Variants in RALA observed in about 807,000 individuals in gnomAD.
RALA encodes RAS like proto-oncogene A, also known as ras-related protein Ral-A.
In RALA, 5 loss-of-function variants were observed where a neutral mutation model predicts 24.0. The ratio of observed to expected loss-of-function variants is 0.21; its 90% CI spans 0.11 to 0.44. The LOEUF (loss-of-function observed/expected upper bound fraction) is 0.44, where lower values mean the gene tolerates loss of function less well. Among genes scored for constraint, RALA ranks in the 20% least tolerant of loss-of-function variants. The pLI is 0.99. For synonymous variants in RALA, 77 were observed against 83.8 expected (o/e 0.92, Z 0.44); for missense variants, 95 against 241.2 (o/e 0.39, Z 4.01).
chr7:39,673,142 C>T (rs376425863), intron 1 of RALA, among the ~76,000 whole-genome samples: 1 of 151,990 alleles, frequency 6.6e-6, no homozygotes, highest in African/African-American at 2.4e-5. Flanking sequence ...GAGCCGAGAT[C>T]GTGCCCCTGC....
chr7:39,627,261 G>A (rs1791508182), intron 1 of RALA, among the ~76,000 whole-genome samples: 1 of 152,078 alleles, frequency 6.6e-6, no homozygotes, highest in South Asian at 2.1e-4. Flanking sequence ...AAATATGTAT[G>A]AGTAAATTTT....
chr7:39,689,968 GA>G (rs1197875465), intron 2 of RALA, among the ~76,000 whole-genome samples: 4 of 152,170 alleles, frequency 2.6e-5, no homozygotes, highest in South Asian at 2.1e-4. Context: ...TTTAGAAAAA[GA>G]AAGGATTTAA....
At chr7:39,644,689 G>A (rs1212461719) in intron 1 of RALA, among the ~76,000 whole-genome samples, 1 of 152,006 alleles carries the variant, frequency 6.6e-6, no homozygotes, top group Admixed American at 6.6e-5. Flanking sequence ...TTTATTCTTA[G>A]TGGATTTAAA....
chr7:39,657,545 TGTGGG>T lies in RALA; in HGVS notation c.-37-29083_-37-29079del, dbSNP rs1792118642. 2.6e-5 allele frequency among the ~76,000 whole-genome samples: 4 copies of T among 152,324 alleles called. No homozygotes were observed. The South Asian group carries it at 6.2e-4, about 24-fold the overall frequency. On this transcript the variant is annotated intron_variant, in intron 1 of 4. Coordinates refer to ENST00000005257, the MANE Select transcript of RALA (RefSeq NM_005402.4). Reference sequence around the variant, plus strand: ...ACGGTCCCAGGAAAGCCCTACTTTCTGTGGGGTCTGGACCTTCTAAACATTATCTT... The same window carrying T: ...ACGGTCCCAGGAAAGCCCTACTTTCTGTCTGGACCTTCTAAACATTATCTT...
intron 1 of RALA, among the ~76,000 whole-genome samples, chr7:39,682,945 T>G (rs1792632959): frequency 6.6e-6 from 1 of 152,118 alleles, no homozygotes; most frequent in African/African-American, 2.4e-5. Flanking sequence ...TGGCCATGTG[T>G]TGGAAATTTA....
intron 4 of RALA, among the ~76,000 whole-genome samples, chr7:39,705,818 G>C (rs1022794542): frequency 6.6e-6 from 1 of 151,644 alleles, no homozygotes; most frequent in Non-Finnish European, 1.5e-5. Flanking sequence ...TCTATCTTTG[G>C]GTCTGTCATC....
At chr7:39,653,050 G>C (rs987865152) in intron 1 of RALA, among the ~76,000 whole-genome samples, 5 of 147,680 alleles carry the variant, frequency 3.4e-5, no homozygotes, top group African/African-American at 1.3e-4. Flanking sequence ...TATTTTTTGA[G>C]ACGGAGTCTC....
At chr7:39,644,394 C>T (rs747433658) in intron 1 of RALA, among the ~76,000 whole-genome samples, 2 of 152,100 alleles carry the variant, frequency 1.3e-5, no homozygotes, top group African/African-American at 4.8e-5. Flanking sequence ...GACTTCCCTT[C>T]GTGTCTTAGC....
intron 2 of RALA, among the ~76,000 whole-genome samples, chr7:39,688,322 C>T (rs1792745679): frequency 6.6e-6 from 1 of 151,750 alleles, no homozygotes; most frequent in South Asian, 2.1e-4. Flanking sequence ...GGATCATTTG[C>T]ATTGGAGGTC....
intron 1 of RALA, among the ~76,000 whole-genome samples, chr7:39,654,210 T>G (rs1162408475): frequency 6.6e-6 from 1 of 152,222 alleles, no homozygotes; most frequent in Non-Finnish European, 1.5e-5. Flanking sequence ...TAATTGCTTC[T>G]TTCACCATTG....
intron 1 of RALA, among the ~76,000 whole-genome samples, chr7:39,647,944 G>T (rs1161499320): frequency 6.6e-6 from 1 of 152,186 alleles, no homozygotes; most frequent in Non-Finnish European, 1.5e-5. Context: ...TCAAGTATCT[G>T]TCATAAAGTC....
chr7:39,686,639 T>A lies in RALA; in HGVS notation c.-29T>A. 1 of 1,521,924 alleles carries A rather than the reference T, an allele frequency of 6.6e-7. No homozygotes were observed. The highest frequency in any genetic ancestry group is 9.1e-7 in the Non-Finnish European group (1 of 1,096,028). The allele number at this position is 1,521,924 out of a possible 1,614,324, so 94.3% of individuals were successfully genotyped here. A position where few individuals can be genotyped will look rare whatever the true frequency, so the allele number is the denominator to read the frequency against. On this transcript the variant is annotated 5_prime_UTR_variant, in exon 2 of 5. Transcript: ENST00000005257. ...TCTTTCATTCTTCTTAGATTCTTCT[T>A]AATCCTTTGGTGAAAACTGAGACAC...
chr7:39,641,727 G>A (rs929993830), intron 1 of RALA, among the ~76,000 whole-genome samples: 5 of 152,102 alleles, frequency 3.3e-5, no homozygotes, highest in African/African-American at 2.4e-5. Context: ...ATGATGTTGG[G>A]TATATGATGT....
At chr7:39,652,598 T>A (rs1792037523) in intron 1 of RALA, among the ~76,000 whole-genome samples, 1 of 152,126 alleles carries the variant, frequency 6.6e-6, no homozygotes, top group Non-Finnish European at 1.5e-5. Context: ...GATATAAGAA[T>A]AAAGCAATTC....
At chr7:39,680,768 G>A (rs1485623081) in intron 1 of RALA, among the ~76,000 whole-genome samples, 5 of 151,830 alleles carry the variant, frequency 3.3e-5, no homozygotes, top group East Asian at 3.9e-4. Flanking sequence ...ATTATTCTCC[G>A]TCTTCCCCCA....
At chr7:39,632,269 C>T (rs1426605057) in intron 1 of RALA, among the ~76,000 whole-genome samples, 2 of 152,184 alleles carry the variant, frequency 1.3e-5, no homozygotes, top group African/African-American at 2.4e-5. Flanking sequence ...ACTATTGTGT[C>T]ATCTGTAAAT....
chr7:39,674,552 T>C (rs948373018), intron 1 of RALA, among the ~76,000 whole-genome samples: 1 of 152,216 alleles, frequency 6.6e-6, no homozygotes, highest in Non-Finnish European at 1.5e-5. Context: ...TATTCTATTT[T>C]TGTCAGTACT....
Position 39,697,598 on chromosome 7 carries a change from T to C in RALA, c.498+739T>C, listed in dbSNP as rs567355639. On this transcript the variant is annotated intron_variant, in intron 4 of 4. Transcript: ENST00000005257. ...CTATAGTGTGCCTCTCAAGCTCCAA[T>C]AGGCAAAAGAACTGCCTGTAAATCT... 1.5e-3 allele frequency: 473 copies of C among 325,612 alleles called. 7 individuals carry two copies. The highest frequency in any genetic ancestry group is 0.012 in the South Asian group (453 of 38,904). The allele number at this position is 325,612 out of a possible 1,614,324, so 20.2% of individuals were successfully genotyped here. A position where few individuals can be genotyped will look rare whatever the true frequency, so the allele number is the denominator to read the frequency against.
At chr7:39,689,566 A>G (rs373102786) in intron 2 of RALA, among the ~76,000 whole-genome samples, 1 of 152,222 alleles carries the variant, frequency 6.6e-6, no homozygotes, top group Non-Finnish European at 1.5e-5. Context: ...AATATTTACA[A>G]GAGCTAATAA....
Sources: allele counts gnomAD v4.1 joint callset (sites outside exome capture counted in the v4.1 genomes callset), GRCh38; gene constraint gnomAD v4.1.1; transcripts MANE v1.5; gene names NCBI Gene and HGNC (gene_info 2026-07-23, HGNC 2026-07-21).